The following ABCC4 variants were observed in gnomAD, a reference collection of about 807,000 sequenced individuals.
ABCC4 encodes ATP-binding cassette sub-family C member 4.
A neutral mutation model predicts 168.5 loss-of-function variants in ABCC4; 102 were observed. The observed-to-expected ratio is 0.61, with a 90% CI of 0.52 to 0.71. The LOEUF is 0.71. Among genes scored for constraint, ABCC4 ranks in the 30% least tolerant of loss-of-function variants. The pLI is 0.00. For synonymous variants in ABCC4, 617 were observed against 590.7 expected (o/e 1.04, Z -0.65); for missense variants, 1,402 against 1,605.8 (o/e 0.87, Z 2.17).
intron 4 of ABCC4, among the ~76,000 whole-genome samples, chr13:95,222,944 A>G (rs573727124): frequency 5.3e-5 from 8 of 152,228 alleles, no homozygotes; most frequent in Admixed American, 5.2e-4. Flanking sequence ...TCCATCCCCA[A>G]AAAGAAATTA....
chr13:95,252,234 T>C (rs1472788995), intron 1 of ABCC4, among the ~76,000 whole-genome samples: 2 of 152,046 alleles, frequency 1.3e-5, no homozygotes, highest in Non-Finnish European at 2.9e-5. Context: ...GAAAAAAAAA[T>C]TGTATGCTGA....
intron 30 of ABCC4, among the ~76,000 whole-genome samples, chr13:95,029,599 G>T (rs1364636703): frequency 1.3e-5 from 2 of 152,042 alleles, no homozygotes; most frequent in African/African-American, 2.4e-5. Flanking sequence ...ATATCATTTG[G>T]TAAGCTGATT....
chr13:95,166,004 C>T (rs1445068613), intron 15 of ABCC4, among the ~76,000 whole-genome samples, 154 bp downstream of exon 15: 3 of 152,124 alleles, frequency 2.0e-5, no homozygotes, highest in East Asian at 1.9e-4. Flanking sequence ...GCCTTGGTTC[C>T]GTTTTAATCT....
chr13:95,075,219 C>A, intron 22 of ABCC4: 1 of 578,204 alleles, frequency 1.7e-6, no homozygotes, highest in Non-Finnish European at 3.0e-6. Context: ...ACAAGCCAGT[C>A]AGGGGGCACA....
chr13:95,085,244 G>C (rs1222680735), intron 20 of ABCC4, among the ~76,000 whole-genome samples: 2 of 151,120 alleles, frequency 1.3e-5, no homozygotes, highest in Non-Finnish European at 2.9e-5. Flanking sequence ...TTGGAGACCA[G>C]CCTGGCCAAC....
chr13:95,095,286 TTATCTATCTATCTATC>T (rs55957658), intron 20 of ABCC4, among the ~76,000 whole-genome samples: 108 of 146,418 alleles, frequency 7.4e-4, no homozygotes, highest in African/African-American at 2.0e-3. Context: ...AACTGTGAGA[TTATCTATCTATCTATC>T]TATCTATCTA....
intron 19 of ABCC4, among the ~76,000 whole-genome samples, chr13:95,122,355 G>A (rs762738665): frequency 1.3e-5 from 2 of 152,012 alleles, no homozygotes; most frequent in African/African-American, 4.8e-5. Flanking sequence ...AACAACCCAC[G>A]CCTAACTTCT....
intron 1 of ABCC4, among the ~76,000 whole-genome samples, chr13:95,289,208 C>T (rs1378459437): frequency 6.6e-6 from 1 of 152,134 alleles, no homozygotes; most frequent in Admixed American, 6.5e-5. Context: ...ATAAAATGCA[C>T]CAATAAAGAT....
chr13:95,065,003 C>T lies in ABCC4; in HGVS notation c.3211-2144G>A, dbSNP rs540090828. On this transcript the variant is annotated intron_variant, in intron 25 of 30. Transcript: ENST00000645237. ...TTTCCCCAACTGGGCCAAGAGTGGT[C>T]TCTTTGGCCAAACATTAGACATTTG... Among the ~76,000 whole-genome samples the T allele has an allele frequency of 5.3e-5, 8 of 152,268 alleles. No individual in the cohort carries two copies. In the East Asian group the frequency reaches 5.8e-4, roughly 11 times the overall value.
intron 25 of ABCC4, among the ~76,000 whole-genome samples, chr13:95,064,297 T>TATACACAC (rs1555306881): frequency 2.1e-4 from 22 of 105,280 alleles, no homozygotes; most frequent in Non-Finnish European, 2.4e-4. Flanking sequence ...TATATATATA[T>TATACACAC]ACACACACAC....
chr13:95,027,960 A>G (rs1466968710), intron 30 of ABCC4, among the ~76,000 whole-genome samples: 3 of 152,224 alleles, frequency 2.0e-5, no homozygotes, highest in African/African-American at 7.2e-5. Flanking sequence ...ATATTCAAAG[A>G]CAATCCCATA....
At chr13:95,275,853 TA>T (rs1261866918) in intron 1 of ABCC4, among the ~76,000 whole-genome samples, 1 of 152,132 alleles carries the variant, frequency 6.6e-6, no homozygotes, top group Non-Finnish European at 1.5e-5. Context: ...TTAAAGTGGG[TA>T]CGCTAATTAT....
chr13:95,206,397 A>G, intron 8 of ABCC4, 135 bp downstream of exon 8: 2 of 1,188,244 alleles, frequency 1.7e-6, no homozygotes, highest in Non-Finnish European at 2.4e-6. Flanking sequence ...TACACACAAC[A>G]TTCTGGAATG....
At chr13:95,061,594 TTGTGTGTGTGTG>T (rs57517042) in intron 26 of ABCC4, among the ~76,000 whole-genome samples, 2,953 of 133,796 alleles carry the variant, frequency 0.022, 43 homozygotes, top group East Asian at 0.03. Flanking sequence ...GAATATGTGT[TTGTGTGTGTGTG>T]TGTGTGTGTG....
At chr13:95,022,042 AG>A (rs2031117830) in intron 30 of ABCC4, among the ~76,000 whole-genome samples, 1 of 152,204 alleles carries the variant, frequency 6.6e-6, no homozygotes, top group Non-Finnish European at 1.5e-5. Flanking sequence ...CGTCTGCATG[AG>A]GGTTTCTCAT....
Position 95,105,831 on chromosome 13 carries a change from T to C in ABCC4, c.2535+10091A>G, listed in dbSNP as rs1036102977. Among the ~76,000 whole-genome samples the C allele has an allele frequency of 2.6e-5, 4 of 152,274 alleles. No individual in the cohort carries two copies. In the Middle Eastern group the frequency reaches 0.01, roughly 388 times the overall value. Reference sequence around the variant, plus strand: ...GCAGATGATGATGATAACAGCAAGATAGAGGAGACATCCACTGCCACAAAG... The same window carrying C: ...GCAGATGATGATGATAACAGCAAGACAGAGGAGACATCCACTGCCACAAAG... On this transcript the variant is annotated intron_variant, in intron 20 of 30. Transcript: ENST00000645237.
At chr13:95,219,868 T>C (rs1367455009) in intron 4 of ABCC4, among the ~76,000 whole-genome samples, 8 of 149,064 alleles carry the variant, frequency 5.4e-5, no homozygotes, top group East Asian at 2.0e-4. Flanking sequence ...GCTTTTTTTT[T>C]CCCCCCGAGA....
At chr13:95,131,860 T>C (rs1463042155) in intron 19 of ABCC4, among the ~76,000 whole-genome samples, 1 of 151,770 alleles carries the variant, frequency 6.6e-6, no homozygotes, top group East Asian at 1.9e-4. Flanking sequence ...ATCATAAAAA[T>C]GGTCCAGGTG....
chr13:95,173,606 G>T (rs1034755379), intron 13 of ABCC4, among the ~76,000 whole-genome samples: 6 of 152,202 alleles, frequency 3.9e-5, no homozygotes, highest in African/African-American at 1.4e-4. Context: ...CATGGCAAGG[G>T]TTGGAAAGGT....
Sources: allele counts gnomAD v4.1 joint callset (sites outside exome capture counted in the v4.1 genomes callset), GRCh38; gene constraint gnomAD v4.1.1; transcripts MANE v1.5; gene names NCBI Gene and HGNC (gene_info 2026-07-23, HGNC 2026-07-21).